TMEM132C: variants seen among roughly 807,000 people sequenced by gnomAD.
TMEM132C encodes transmembrane protein 132C.
In TMEM132C, 29 loss-of-function variants were observed where a neutral mutation model predicts 61.4. The ratio of observed to expected loss-of-function variants is 0.47; its 90% CI spans 0.35 to 0.64. The LOEUF is 0.64. TMEM132C is among the 30% of genes least tolerant of loss of function. The pLI is 0.00. For synonymous variants in TMEM132C, 656 were observed against 633.1 expected (o/e 1.04, Z -0.54); for missense variants, 1,408 against 1,476.9 (o/e 0.95, Z 0.76).
intron 1 of TMEM132C, among the ~76,000 whole-genome samples, chr12:128,385,050 C>A (rs1441535124): frequency 6.6e-6 from 1 of 152,168 alleles, no homozygotes; most frequent in Non-Finnish European, 1.5e-5. Context: ...ATGTCATACC[C>A]CTTTGCAGAT....
rs192592968 is a variant in TMEM132C, at chr12:128,304,483, C to T, written c.85+36996C>T. On this transcript the variant is annotated intron_variant, in intron 1 of 8. Transcript: ENST00000435159. ...AATTAGCTGGGCATGGTGGCGGGCA[C>T]CTGTAATTCCAGCTACTCAGGAGGC... is the stretch of plus-strand genomic sequence containing the variant. 8.5e-5 allele frequency among the ~76,000 whole-genome samples: 13 copies of T among 152,154 alleles called. No homozygotes were observed. The East Asian group carries it at 1.7e-3, about 20-fold the overall frequency.
intron 2 of TMEM132C, among the ~76,000 whole-genome samples, chr12:128,428,425 T>G (rs1869270244): frequency 6.6e-6 from 1 of 152,124 alleles, no homozygotes; most frequent in East Asian, 1.9e-4. Context: ...GAGTTTAAAG[T>G]AGGCCTCTTT....
At chr12:128,291,515 A>G (rs113999728) in intron 1 of TMEM132C, among the ~76,000 whole-genome samples, 2,197 of 152,334 alleles carry the variant, frequency 0.014, 54 homozygotes, top group African/African-American at 0.049. Flanking sequence ...TTCCCAGAAC[A>G]GCAGAAATAG....
At chr12:128,429,333 G>T (rs12825446) in intron 2 of TMEM132C, among the ~76,000 whole-genome samples, 1 of 152,230 alleles carries the variant, frequency 6.6e-6, no homozygotes, top group South Asian at 2.1e-4. Context: ...GCCAGTCAAC[G>T]TGCAGCGATG....
chr12:128,447,313 G>A (rs1870014253), intron 2 of TMEM132C, among the ~76,000 whole-genome samples: 1 of 152,144 alleles, frequency 6.6e-6, no homozygotes, highest in Admixed American at 6.5e-5. Flanking sequence ...TCCACCTCCG[G>A]TCCCTTAAAA....
chr12:128,700,432 C>T (rs377263532), intron 8 of TMEM132C, among the ~76,000 whole-genome samples: 2 of 152,102 alleles, frequency 1.3e-5, no homozygotes, highest in African/African-American at 2.4e-5. Flanking sequence ...GGCAAGTCAA[C>T]GGTGTTCTGA....
chr12:128,437,850 C>G (rs1565936440), intron 2 of TMEM132C: 1 of 152,078 alleles, frequency 6.6e-6, no homozygotes, highest in Non-Finnish European at 1.5e-5. Flanking sequence ...TTTCTTTGAC[C>G]CTGTTTTATT....
intron 1 of TMEM132C, among the ~76,000 whole-genome samples, chr12:128,387,341 G>A (rs1481746422): frequency 6.6e-6 from 1 of 152,108 alleles, no homozygotes; most frequent in African/African-American, 2.4e-5. Flanking sequence ...TCTGCACCAG[G>A]AGGTGTGGAT....
chr12:128,364,490 C>T (rs552819798), intron 1 of TMEM132C, among the ~76,000 whole-genome samples: 3 of 152,324 alleles, frequency 2.0e-5, no homozygotes, highest in African/African-American at 4.8e-5. Context: ...CATTTAGATT[C>T]GCTGCCTGGA....
At chr12:128,392,361 G>A (rs1443847275) in intron 1 of TMEM132C, among the ~76,000 whole-genome samples, 1 of 152,224 alleles carries the variant, frequency 6.6e-6, no homozygotes, top group African/African-American at 2.4e-5. Context: ...TGCCTGGTTT[G>A]AAAGAGCTTA....
chr12:128,553,323 AT>A (rs199693410), intron 3 of TMEM132C, among the ~76,000 whole-genome samples: 5,387 of 152,198 alleles, frequency 0.035, 330 homozygotes, highest in African/African-American at 0.12. Context: ...TATTAGGCTT[AT>A]TTTTTTAATG....
chr12:128,327,361 G>GGTTTGTTTGTTT (rs72370132), intron 1 of TMEM132C, among the ~76,000 whole-genome samples: 3 of 146,976 alleles, frequency 2.0e-5, no homozygotes, highest in Middle Eastern at 6.8e-3. Context: ...GGCGCAGCTT[G>GGTTTGTTTGTTT]GTTTGTTTGT....
chr12:128,412,773 A>G (rs1287232450), intron 1 of TMEM132C, among the ~76,000 whole-genome samples: 1 of 152,198 alleles, frequency 6.6e-6, no homozygotes, highest in Non-Finnish European at 1.5e-5. Context: ...GTGTGAAAAC[A>G]GGCTAATATA....
intron 1 of TMEM132C, among the ~76,000 whole-genome samples, chr12:128,298,201 G>C (rs1871470877): frequency 6.6e-6 from 1 of 152,170 alleles, no homozygotes. Context: ...TAAGACCCCA[G>C]TGCGGCTCCC....
chr12:128,346,972 G>A (rs1273033823), intron 1 of TMEM132C, among the ~76,000 whole-genome samples: 1 of 151,954 alleles, frequency 6.6e-6, no homozygotes, highest in Non-Finnish European at 1.5e-5. Flanking sequence ...GTTGTTTTTG[G>A]TTACATGGAT....
chr12:128,695,838 G>T lies in TMEM132C; in HGVS notation c.1664G>T (p.Arg555Leu). ...VPIVTNKRPT[R>L]ESEDEDEEER... The stretch of plus-strand genomic sequence containing the variant: ...TTGTCCCTTCCCACAAGGCCCACTC[G>T]TGAGAGCGAGGATGAGGACGAGGAG... Residue 555 changes from arginine (R) to leucine (L), a missense_variant, in exon 7 of 9, where the codon CGT becomes CTT. Coordinates refer to ENST00000435159, the MANE Select transcript of TMEM132C (RefSeq NM_001136103.3). 1 of 1,544,536 alleles carries T rather than the reference G, an allele frequency of 6.5e-7. No individual in the cohort carries two copies. The highest frequency in any genetic ancestry group is 8.8e-7 in the Non-Finnish European group (1 of 1,142,458).
At chr12:128,589,756 A>G (rs1239405651) in intron 3 of TMEM132C, among the ~76,000 whole-genome samples, 4 of 149,426 alleles carry the variant, frequency 2.7e-5, no homozygotes, top group African/African-American at 1.0e-4. Flanking sequence ...CTGGATTTGA[A>G]TTCCTTTTTT....
chr12:128,587,076 A>G (rs1471131667), intron 3 of TMEM132C, among the ~76,000 whole-genome samples: 1 of 152,262 alleles, frequency 6.6e-6, no homozygotes, highest in East Asian at 1.9e-4. Flanking sequence ...TGCATCATGT[A>G]CAGCTCCATT....
chr12:128,433,401 C>T (rs1465072234), intron 2 of TMEM132C, among the ~76,000 whole-genome samples: 1 of 152,154 alleles, frequency 6.6e-6, no homozygotes, highest in East Asian at 1.9e-4. Flanking sequence ...CCCTTCTGCT[C>T]CCTCCATAAG....
Sources: gnomAD v4.1 joint callset for allele counts (sites outside exome capture counted in the v4.1 genomes callset) on GRCh38, gnomAD v4.1.1 for gene constraint, MANE v1.5 for transcripts, NCBI Gene and HGNC (gene_info 2026-07-23, HGNC 2026-07-21) for gene names.